Variants in TBC1D22A observed in about 807,000 individuals in gnomAD.
The protein encoded by TBC1D22A is putative GTPase activator.
In TBC1D22A, 38 loss-of-function variants were observed where a neutral mutation model predicts 60.2. That is an observed-to-expected ratio of 0.63 (90% CI 0.49 to 0.83). TBC1D22A has a LOEUF of 0.83. TBC1D22A is among the 40% of genes least tolerant of loss of function. The pLI, the probability that TBC1D22A is intolerant of heterozygous loss-of-function variation, is 0.00. For synonymous variants in TBC1D22A, 302 were observed against 281.7 expected (o/e 1.07, Z -0.72); for missense variants, 628 against 701.0 (o/e 0.90, Z 1.18).
chr22:47,036,981 G>A (rs1449624057), intron 10 of TBC1D22A, 90 bp from the exon 11 acceptor site: 1 of 1,548,750 alleles, frequency 6.5e-7, no homozygotes. Context: ...TCTGAGGCGG[G>A]CGCAGGCCCT....
intron 10 of TBC1D22A, among the ~76,000 whole-genome samples, chr22:47,033,945 C>T (rs2062571091): frequency 6.6e-6 from 1 of 152,098 alleles, no homozygotes; most frequent in South Asian, 2.1e-4. Flanking sequence ...TCCTGAGACA[C>T]CTCCTGGCAC....
chr22:46,910,161 A>G (rs541410922), intron 7 of TBC1D22A, among the ~76,000 whole-genome samples: 1 of 151,986 alleles, frequency 6.6e-6, no homozygotes, highest in South Asian at 2.1e-4. Context: ...TCCTCATTCC[A>G]CCCGCGTCTC....
At chr22:46,894,750 G>A (rs772925505) in intron 6 of TBC1D22A, 34 bp from the exon 7 acceptor site, 35 of 1,612,410 alleles carry the variant, frequency 2.2e-5, no homozygotes, top group East Asian at 2.0e-4. Context: ...TTGTTGTGAC[G>A]TAACATAAAT....
chr22:47,085,723 T>A (rs1480451440), intron 11 of TBC1D22A, among the ~76,000 whole-genome samples: 2 of 152,126 alleles, frequency 1.3e-5, no homozygotes, highest in Non-Finnish European at 2.9e-5. Flanking sequence ...ACAGTTGCAA[T>A]AGAGAACTTT....
chr22:46,872,358 AAGAAAAGAG>A (rs2067330314), intron 4 of TBC1D22A, among the ~76,000 whole-genome samples: 1 of 152,220 alleles, frequency 6.6e-6, no homozygotes, highest in Non-Finnish European at 1.5e-5. Flanking sequence ...AAGACATTAT[AAGAAAAGAG>A]AACCTGAGAC....
At chr22:46,774,884 C>T (rs1279432739) in intron 1 of TBC1D22A, among the ~76,000 whole-genome samples, 1 of 152,248 alleles carries the variant, frequency 6.6e-6, no homozygotes, top group Non-Finnish European at 1.5e-5. Flanking sequence ...TGCACCGGAG[C>T]CCGGCCGATG....
chr22:46,949,336 C>T (rs1265450009), intron 8 of TBC1D22A, among the ~76,000 whole-genome samples: 1 of 152,192 alleles, frequency 6.6e-6, no homozygotes, highest in Non-Finnish European at 1.5e-5. Flanking sequence ...AGTCATCCTC[C>T]CCATTCTCAG....
intron 1 of TBC1D22A, among the ~76,000 whole-genome samples, chr22:46,776,782 A>T (rs1205909134): frequency 3.3e-5 from 5 of 152,158 alleles, no homozygotes; most frequent in Non-Finnish European, 5.9e-5. Context: ...CACTTTGCAA[A>T]AGGTGGGAAA....
At chr22:46,809,176 G>A (rs922034173) in intron 4 of TBC1D22A, among the ~76,000 whole-genome samples, 3 of 152,268 alleles carry the variant, frequency 2.0e-5, no homozygotes, top group African/African-American at 4.8e-5. Context: ...TCCAGTTTCC[G>A]GGAAGGGCTC....
At chr22:47,153,699 G>A (rs1230244157) in intron 12 of TBC1D22A, among the ~76,000 whole-genome samples, 1 of 152,214 alleles carries the variant, frequency 6.6e-6, no homozygotes, top group Non-Finnish European at 1.5e-5. Flanking sequence ...AGAACCCGCA[G>A]GGTGTGGTGA....
At chr22:47,131,137 G>A (rs1375004503) in intron 12 of TBC1D22A, among the ~76,000 whole-genome samples, 4 of 152,192 alleles carry the variant, frequency 2.6e-5, no homozygotes, top group East Asian at 3.8e-4. Flanking sequence ...CAAGCCATTC[G>A]TGAGGGAACC....
chr22:46,933,648 C>A (rs1273988734), intron 8 of TBC1D22A, among the ~76,000 whole-genome samples: 1 of 152,118 alleles, frequency 6.6e-6, no homozygotes, highest in African/African-American at 2.4e-5. Context: ...GCCCCCTGTG[C>A]CAGGGTGGCA....
intron 11 of TBC1D22A, among the ~76,000 whole-genome samples, chr22:47,043,839 A>G (rs1409983465): frequency 7.1e-6 from 1 of 140,838 alleles, no homozygotes; most frequent in Non-Finnish European, 1.5e-5. Flanking sequence ...TGGCTGCACC[A>G]GAGTATTTGG....
chr22:46,782,141 G>A lies in TBC1D22A; in HGVS notation c.63-10379G>A, dbSNP rs1440039142. On this transcript the variant is annotated intron_variant, in intron 1 of 12. Transcript: ENST00000337137. ...ACGATCTCGGCTCACTGCAACCTCCGCCTCCTGGGTTCAAGTGATTCTTCT... is the reference window on the plus strand; with the variant it reads ...ACGATCTCGGCTCACTGCAACCTCCACCTCCTGGGTTCAAGTGATTCTTCT... 7.2e-5 allele frequency among the ~76,000 whole-genome samples: 11 copies of A among 152,272 alleles called. No homozygotes were observed. The East Asian group carries it at 1.9e-3, about 27-fold the overall frequency.
At chr22:47,121,905 G>A (rs992771131) in intron 12 of TBC1D22A, among the ~76,000 whole-genome samples, 3 of 151,798 alleles carry the variant, frequency 2.0e-5, no homozygotes, top group Middle Eastern at 3.4e-3. Context: ...CACTGCGCCC[G>A]CCCCTCGGGT....
intron 8 of TBC1D22A, among the ~76,000 whole-genome samples, chr22:46,948,296 A>G (rs1453896781): frequency 6.6e-6 from 1 of 152,236 alleles, no homozygotes; most frequent in Non-Finnish European, 1.5e-5. Flanking sequence ...CCTTTGTTCT[A>G]CGCCAGAGCA....
intron 4 of TBC1D22A, among the ~76,000 whole-genome samples, chr22:46,867,761 C>T (rs1414982194): frequency 2.2e-4 from 33 of 152,202 alleles, no homozygotes; most frequent in Admixed American, 2.2e-3. Flanking sequence ...AGCATGCGAT[C>T]ACAGCAGGGC....
chr22:46,865,827 A>G (rs1280591186), intron 4 of TBC1D22A, among the ~76,000 whole-genome samples: 1 of 152,146 alleles, frequency 6.6e-6, no homozygotes, highest in African/African-American at 2.4e-5. Context: ...GAAAATGCCA[A>G]AAAAGACCTG....
rs2074204855 is a variant in TBC1D22A at position 46,974,381 on chromosome 22, G to A, written c.1107G>A (p.Lys369=). The change falls in exon 9 of 13, where the codon AAG becomes AAA. Residue 369 remains lysine, a synonymous_variant. Coordinates refer to ENST00000337137, the MANE Select transcript of TBC1D22A (RefSeq NM_014346.5). The part of the protein sequence containing the change: ...IEADTYWCMS[K]LLDGIQDNYT... ...CCGACACCTACTGGTGCATGAGCAA[G>A]CTGCTGGATGGCATTCAGGTGAGCG... 6.2e-7 allele frequency: 1 copy of A among 1,611,184 alleles called. No homozygotes were observed. Among genetic ancestry groups the A allele is most frequent in the African/African-American group, 1.3e-5 (1 of 74,912 alleles).
Sources: allele counts gnomAD v4.1 joint callset (sites outside exome capture counted in the v4.1 genomes callset), GRCh38; gene constraint gnomAD v4.1.1; transcripts MANE v1.5; gene names NCBI Gene and HGNC (gene_info 2026-07-23, HGNC 2026-07-21).